Variants in MDM4 observed in about 807,000 individuals in gnomAD.
MDM4 encodes MDM4 regulator of p53.
A neutral mutation model predicts 60.2 loss-of-function variants in MDM4; 2 were observed. The ratio of observed to expected loss-of-function variants is 0.03; its 90% confidence interval spans 0.01 to 0.10. The LOEUF is 0.10. Ranked by LOEUF, MDM4 falls within the 10% of genes least tolerant of loss-of-function variation. MDM4 has a pLI of 1.00. For synonymous variants in MDM4, 202 were observed against 198.1 expected (o/e 1.02, Z -0.17); for missense variants, 447 against 577.5 (o/e 0.77, Z 2.32).
In MDM4 at chr1:204,549,834, A is replaced by T. The variant is rs1449184790; in HGVS notation, c.*152A>T. The T allele has an allele frequency of 1.8e-6, 1 of 556,170 alleles. No individual in the cohort carries two copies. The highest frequency in any genetic ancestry group is 3.1e-6 in the Non-Finnish European group (1 of 322,826). The allele number at this position is 556,170 out of a possible 1,614,324, so 34.5% of individuals were successfully genotyped here. ...TGTAAGAAAAATACTGGAGCTAACA[A>T]TGAAGAACAGAAGTAATCTGATTAG... On this transcript the variant is annotated 3_prime_UTR_variant, in exon 11 of 11. Transcript: ENST00000367182.
intron 1 of MDM4, 64 bp from the exon 2 acceptor site, chr1:204,525,420 G>A (rs1451760102): frequency 6.7e-7 from 1 of 1,490,308 alleles, no homozygotes; most frequent in Non-Finnish European, 8.9e-7. Context: ...TTGCCTTTGT[G>A]TGAATGCTAA....
chr1:204,535,450 C>G (rs1250387582), intron 5 of MDM4, among the ~76,000 whole-genome samples: 2 of 152,134 alleles, frequency 1.3e-5, no homozygotes, highest in Non-Finnish European at 2.9e-5. Flanking sequence ...AGCCACTGCA[C>G]CCAGCCTAAA....
chr1:204,522,068 A>G (rs994292507), intron 1 of MDM4, among the ~76,000 whole-genome samples: 7 of 152,170 alleles, frequency 4.6e-5, no homozygotes, highest in African/African-American at 9.7e-5. Context: ...CATGCCTGTA[A>G]TCCCAGGGAT....
At chr1:204,517,027 G>A (rs535484298) in intron 1 of MDM4, among the ~76,000 whole-genome samples, 1 of 152,236 alleles carries the variant, frequency 6.6e-6, no homozygotes, top group South Asian at 2.1e-4. Flanking sequence ...ATCTACCTGA[G>A]GACAGGAGTT....
chr1:204,531,722 G>A (rs185527470), intron 4 of MDM4, among the ~76,000 whole-genome samples: 1 of 152,134 alleles, frequency 6.6e-6, no homozygotes, highest in East Asian at 1.9e-4. Context: ...ATCCTAGCTA[G>A]TAGGGAGGCT....
chr1:204,548,836 A>T (rs190760003), intron 10 of MDM4, among the ~76,000 whole-genome samples: 52 of 152,238 alleles, frequency 3.4e-4, no homozygotes, highest in African/African-American at 1.2e-3. Flanking sequence ...AACAATGTAA[A>T]TTTCACCGAG....
intron 7 of MDM4, among the ~76,000 whole-genome samples, chr1:204,540,905 G>A (rs923175813): frequency 6.6e-6 from 1 of 152,174 alleles, no homozygotes; most frequent in African/African-American, 2.4e-5. Context: ...ACCAATGGCA[G>A]GTTAAGCCTC....
chr1:204,530,149 TA>T (rs1660719973), intron 3 of MDM4, among the ~76,000 whole-genome samples: 1 of 152,242 alleles, frequency 6.6e-6, no homozygotes, highest in Non-Finnish European at 1.5e-5. Flanking sequence ...GTGCTGGGAT[TA>T]CAGGTGTGAA....
intron 3 of MDM4, among the ~76,000 whole-genome samples, chr1:204,526,886 A>T (rs1660239500): frequency 6.6e-6 from 1 of 152,244 alleles, no homozygotes; most frequent in East Asian, 1.9e-4. Flanking sequence ...TCTGTTTTAA[A>T]GACTGTTAGG....
chr1:204,539,266 G>A (rs1217547528), intron 7 of MDM4, among the ~76,000 whole-genome samples: 2 of 152,068 alleles, frequency 1.3e-5, no homozygotes, highest in Admixed American at 6.5e-5. Context: ...GATTACAGGC[G>A]TGAGCCACTG....
At chr1:204,536,957 A>G (rs1454436119) in intron 5 of MDM4, 1 of 393,194 alleles carries the variant, frequency 2.5e-6, no homozygotes. Flanking sequence ...TTTATGAAGC[A>G]AACGGGGAAA....
rs147845679 is a variant in MDM4, at chr1:204,556,426, G to A, written c.*6744G>A. Reference sequence around the variant, plus strand: ...AAGAAATTGAGGTCAGGCCAGGCGCGGTGGTTCACTCCTGTTATTCCAGCA... The same window carrying A: ...AAGAAATTGAGGTCAGGCCAGGCGCAGTGGTTCACTCCTGTTATTCCAGCA... On this transcript the variant is annotated 3_prime_UTR_variant, in exon 11 of 11. Transcript: ENST00000367182. The A allele has an allele frequency of 3.7e-3, 845 of 226,602 alleles. 6 individuals carry two copies. The highest frequency in any genetic ancestry group is 0.017 in the African/African-American group (785 of 44,994). The allele number at this position is 226,602 out of a possible 1,614,324, so 14.0% of individuals were successfully genotyped here. A position where few individuals can be genotyped will look rare whatever the true frequency, so the allele number is the denominator to read the frequency against.
chr1:204,534,448 C>A (rs1661183952), intron 5 of MDM4, among the ~76,000 whole-genome samples: 1 of 152,084 alleles, frequency 6.6e-6, no homozygotes, highest in Admixed American at 6.6e-5. Context: ...CTTGTACTTT[C>A]TCTGCAGAAT....
intron 5 of MDM4, 197 bp downstream of exon 5, chr1:204,532,443 C>T: frequency 1.8e-6 from 1 of 571,048 alleles, no homozygotes. Context: ...AGAAGGATTT[C>T]CACTTTCTAG....
At chr1:204,547,727 C>A (rs749985536) in intron 10 of MDM4, among the ~76,000 whole-genome samples, 1 of 152,172 alleles carries the variant, frequency 6.6e-6, no homozygotes. Flanking sequence ...ATAAATGTTT[C>A]CATCTGTTTT....
intron 5 of MDM4, 121 bp downstream of exon 5, chr1:204,532,367 A>G: frequency 1.4e-6 from 1 of 699,530 alleles, no homozygotes; most frequent in South Asian, 1.7e-5. Context: ...ACTGGGAGAA[A>G]TACATACTAC....
rs1322944082 is a variant in MDM4 at position 204,554,842 on chromosome 1, T to G, written c.*5160T>G. 1 of 224,940 alleles carries G rather than the reference T, an allele frequency of 4.4e-6. No homozygotes were observed. Among genetic ancestry groups the G allele is most frequent in the East Asian group, 6.4e-5 (1 of 15,524 alleles). The allele number at this position is 224,940 out of a possible 1,614,324, so 13.9% of individuals were successfully genotyped here. On this transcript the variant is annotated 3_prime_UTR_variant, in exon 11 of 11. Coordinates refer to ENST00000367182, the MANE Select transcript of MDM4 (RefSeq NM_002393.5). ...GATTTCTTTCCTTTTGTGGGAAATG[T>G]CCCATTAGCATTTTCAGATCTTTTG...
At chr1:204,531,027 G>T (rs1256264961) in intron 4 of MDM4, among the ~76,000 whole-genome samples, 1 of 152,172 alleles carries the variant, frequency 6.6e-6, no homozygotes, top group Non-Finnish European at 1.5e-5. Flanking sequence ...AGATGCTCTT[G>T]CCCATCTTAG....
chr1:204,519,437 G>T (rs1659328094), intron 1 of MDM4, among the ~76,000 whole-genome samples: 1 of 152,162 alleles, frequency 6.6e-6, no homozygotes, highest in Non-Finnish European at 1.5e-5. Context: ...AACCCAGGAG[G>T]TGGAGGTTGC....
Sources: gnomAD v4.1 joint callset for allele counts (sites outside exome capture counted in the v4.1 genomes callset) on GRCh38, gnomAD v4.1.1 for gene constraint, MANE v1.5 for transcripts, NCBI Gene and HGNC (gene_info 2026-07-23, HGNC 2026-07-21) for gene names.